Variants in MCU observed in about 807,000 individuals in gnomAD.
The protein encoded by MCU is calcium uniporter protein, mitochondrial.
In MCU, 12 loss-of-function variants were observed where a neutral mutation model predicts 45.2. The ratio of observed to expected loss-of-function variants is 0.27; its 90% CI spans 0.17 to 0.43. The LOEUF is 0.43. MCU is among the 20% of genes least tolerant of loss of function. The pLI is 1.00. For missense variants in MCU, 324 were observed against 436.7 expected, an observed-to-expected ratio of 0.74 and a Z score of 2.30; for synonymous variants, 160 against 165.1, an observed-to-expected ratio of 0.97 and a Z score of 0.24.
At chr10:72,719,715 A>G (rs1347866207) in intron 1 of MCU, among the ~76,000 whole-genome samples, 1 of 152,234 alleles carries the variant, frequency 6.6e-6, no homozygotes, top group African/African-American at 2.4e-5. Flanking sequence ...TTGAGGATAA[A>G]TCACCTCAGG....
chr10:72,879,531 A>G (rs896483187), intron 6 of MCU, among the ~76,000 whole-genome samples: 1 of 152,204 alleles, frequency 6.6e-6, no homozygotes, highest in Non-Finnish European at 1.5e-5. Flanking sequence ...AAATAAAGAC[A>G]TTTTCAGACA....
intron 1 of MCU, among the ~76,000 whole-genome samples, chr10:72,757,942 T>C (rs1253006095): frequency 1.3e-5 from 2 of 152,218 alleles, no homozygotes; most frequent in Admixed American, 6.5e-5. Context: ...CTTGCCTATG[T>C]AGCATCTTCA....
chr10:72,831,915 A>G (rs1844884825), intron 1 of MCU, among the ~76,000 whole-genome samples: 1 of 152,196 alleles, frequency 6.6e-6, no homozygotes, highest in Non-Finnish European at 1.5e-5. Flanking sequence ...GAAGTCAGAG[A>G]TAATGGGATA....
At chr10:72,714,626 A>G (rs139248066) in intron 1 of MCU, among the ~76,000 whole-genome samples, 2,864 of 150,770 alleles carry the variant, frequency 0.019, 83 homozygotes, top group African/African-American at 0.065. Flanking sequence ...CTCACCGCAA[A>G]CTCTGCCTCC....
At chr10:72,816,789 T>A (rs1564565601) in intron 1 of MCU, among the ~76,000 whole-genome samples, 1 of 152,066 alleles carries the variant, frequency 6.6e-6, no homozygotes, top group Non-Finnish European at 1.5e-5. Flanking sequence ...GTACATAATC[T>A]GGTGAGGTTA....
chr10:72,742,926 G>A (rs1316306392), intron 1 of MCU, among the ~76,000 whole-genome samples: 1 of 152,000 alleles, frequency 6.6e-6, no homozygotes, highest in Admixed American at 6.6e-5. Context: ...ATTCAAGGTA[G>A]GAAGTCAGGG....
chr10:72,871,629 G>T, intron 6 of MCU, 49 bp downstream of exon 6: 2 of 1,515,434 alleles, frequency 1.3e-6, no homozygotes, highest in South Asian at 2.3e-5. Flanking sequence ...ATAAAGTTTT[G>T]ATTGTCAAAA....
In MCU at chr10:72,833,021, T is replaced by A. The variant is rs376644913; in HGVS notation, c.151-1338T>A. 6.0e-3 allele frequency among the ~76,000 whole-genome samples: 891 copies of A among 147,884 alleles called. 11 individuals are homozygous for A. The highest frequency in any genetic ancestry group is 0.021 in the African/African-American group (840 of 39,874). ...ACAAATAAACAAGAATAGCTGGGAG[T>A]TGTCTTAAAGAAAAGTAATAAGGGA... On this transcript the variant is annotated intron_variant, in intron 1 of 7. Transcript: ENST00000373053.
Position 72,884,304 on chromosome 10 carries a change from A to G in MCU, c.900A>G (p.Leu300=), listed in dbSNP as rs1311359843. ...CAGAAGCCAGAGACAGACAATACTT[A>G]CTATTTTTCCATAAAGGAGCCAAAA... ...VYPEARDRQY[L]LFFHKGAKKS... Residue 300 remains leucine (L), a synonymous_variant, in exon 7 of 8, where the codon TTA becomes TTG. Coordinates refer to ENST00000373053, the MANE Select transcript of MCU (RefSeq NM_138357.3). 48 of 1,611,578 alleles carry G rather than the reference A, an allele frequency of 3.0e-5. No individual in the cohort carries two copies. The highest frequency in any genetic ancestry group is 4.0e-5 in the Non-Finnish European group (47 of 1,177,946).
rs1842774603 is a variant in MCU, at chr10:72,702,843, G to A, written c.150+10542G>A. On this transcript the variant is annotated intron_variant, in intron 1 of 7. Transcript: ENST00000373053. The stretch of plus-strand genomic sequence containing the variant: ...AAAATACAAAAATTAGCTGGGTGTG[G>A]TGGTGTGCGCCTGTAATCCCAGCTA... Among the ~76,000 whole-genome samples the A allele has an allele frequency of 2.0e-5, 3 of 152,126 alleles. No homozygotes were observed. In the South Asian group the frequency reaches 6.2e-4, roughly 32 times the overall value.
At chr10:72,802,409 TAAAA>T (rs369833125) in intron 1 of MCU, among the ~76,000 whole-genome samples, 1 of 136,402 alleles carries the variant, frequency 7.3e-6, no homozygotes, top group Non-Finnish European at 1.6e-5. Flanking sequence ...GAGCTTTCTT[TAAAA>T]AAAAAAAAAA....
chr10:72,786,985 A>C (rs920750915), intron 1 of MCU, among the ~76,000 whole-genome samples: 1 of 152,172 alleles, frequency 6.6e-6, no homozygotes, highest in Non-Finnish European at 1.5e-5. Flanking sequence ...AGCAAAGAAA[A>C]TTTATATATG....
intron 1 of MCU, among the ~76,000 whole-genome samples, chr10:72,800,261 A>G (rs759220591): frequency 6.6e-6 from 1 of 152,184 alleles, no homozygotes; most frequent in Non-Finnish European, 1.5e-5. Context: ...TTGCTTTCTG[A>G]TGGTTCAGTG....
chr10:72,822,870 G>A (rs1844735384), intron 1 of MCU, among the ~76,000 whole-genome samples: 1 of 152,138 alleles, frequency 6.6e-6, no homozygotes, highest in Non-Finnish European at 1.5e-5. Context: ...TCAAGTGTTG[G>A]TAAGGATATA....
rs572669145 is a variant in MCU, at chr10:72,860,252, T to A, written c.392-171T>A. 83 of 585,918 alleles carry A rather than the reference T, an allele frequency of 1.4e-4. 3 individuals carry two copies. The South Asian group carries it at 1.6e-3, about 11-fold the overall frequency. 36.3% of individuals were successfully genotyped at this position (585,918 alleles called of 1,614,324 possible). ...GTTAAATCTTCACAAACTTGAGTCC[T>A]AAAAACAGAGCTTCAACCTAAACTT... On this transcript the variant is annotated intron_variant, in intron 3 of 7. Coordinates refer to ENST00000373053, the MANE Select transcript of MCU (RefSeq NM_138357.3).
chr10:72,819,212 A>G (rs926902679), intron 1 of MCU, among the ~76,000 whole-genome samples: 1 of 152,204 alleles, frequency 6.6e-6, no homozygotes, highest in Non-Finnish European at 1.5e-5. Flanking sequence ...AGGCAGCCTT[A>G]TGACTTGCAG....
chr10:72,733,520 C>T (rs190183818), intron 1 of MCU, among the ~76,000 whole-genome samples: 169 of 151,796 alleles, frequency 1.1e-3, no homozygotes, highest in African/African-American at 3.7e-3. Flanking sequence ...CCCAGGAATT[C>T]GAGTCCAGCT....
intron 1 of MCU, among the ~76,000 whole-genome samples, chr10:72,714,026 G>A (rs1842926737): frequency 6.6e-6 from 1 of 151,074 alleles, no homozygotes; most frequent in African/African-American, 2.4e-5. Flanking sequence ...GAGTGCAATG[G>A]CGCGATCTTG....
At chr10:72,721,194 T>C (rs1843016861) in intron 1 of MCU, 1 of 154,160 alleles carries the variant, frequency 6.5e-6, no homozygotes, top group African/African-American at 2.4e-5. Context: ...AATTCAGCAG[T>C]GGGAATGATG....
Sources: allele counts gnomAD v4.1 joint callset (sites outside exome capture counted in the v4.1 genomes callset), GRCh38; gene constraint gnomAD v4.1.1; transcripts MANE v1.5; gene names NCBI Gene and HGNC (gene_info 2026-07-23, HGNC 2026-07-21).